The following BCKDHB variants were observed in gnomAD, a reference collection of about 807,000 sequenced individuals.
BCKDHB encodes the protein branched chain keto acid dehydrogenase E1 subunit beta.
Under a neutral mutation model 48.5 loss-of-function variants are expected in BCKDHB, and 41 were observed. That is an observed-to-expected ratio of 0.85 (90% CI 0.66 to 1.10). BCKDHB has a LOEUF of 1.10. BCKDHB is among the 50% of genes least tolerant of loss of function. The pLI is 0.00. For synonymous variants in BCKDHB, 201 were observed against 174.8 expected (o/e 1.15, Z -1.18); for missense variants, 496 against 494.2 (o/e 1.00, Z -0.03).
chr6:80,299,594 T>A (rs919013880), intron 9 of BCKDHB, among the ~76,000 whole-genome samples: 2 of 152,134 alleles, frequency 1.3e-5, no homozygotes, highest in African/African-American at 4.8e-5. Flanking sequence ...AACCAAGAAT[T>A]TCATATCCTG....
intron 8 of BCKDHB, among the ~76,000 whole-genome samples, chr6:80,256,419 AGTATTTGTGT>A (rs1777053705): frequency 1.3e-5 from 2 of 152,212 alleles, no homozygotes; most frequent in Non-Finnish European, 1.5e-5. Context: ...CACAATGGTA[AGTATTTGTGT>A]ATCAAAACAT....
chr6:80,165,486 G>C (rs1772526117), intron 3 of BCKDHB, among the ~76,000 whole-genome samples: 1 of 152,158 alleles, frequency 6.6e-6, no homozygotes, highest in African/African-American at 2.4e-5. Flanking sequence ...TAAGCTAAAA[G>C]TGAATTCTAT....
the BCKDHB span, among the ~76,000 whole-genome samples, chr6:80,447,451 A>T: frequency 4.8e-5 from 1 of 21,006 alleles, no homozygotes; most frequent in African/African-American, 2.7e-4. Flanking sequence ...ATATACAGTT[A>T]TATATATATA....
In BCKDHB at chr6:80,137,232, G is replaced by A. The variant is rs150660196; in HGVS notation, c.343+8003G>A. 1.7e-3 allele frequency among the ~76,000 whole-genome samples: 265 copies of A among 152,078 alleles called. 1 individual carries two copies. Among genetic ancestry groups the A allele is most frequent in the African/African-American group, 6.1e-3 (251 of 41,480 alleles). ...GACCTTTTGTGATTTTTCCAAATAA[G>A]GATTTTAGACACTACTAAAATTAGA... On this transcript the variant is annotated intron_variant, in intron 3 of 9. Transcript: ENST00000320393.
At chr6:80,147,719 A>G (rs1771557575) in intron 3 of BCKDHB, among the ~76,000 whole-genome samples, 1 of 152,044 alleles carries the variant, frequency 6.6e-6, no homozygotes, top group Non-Finnish European at 1.5e-5. Flanking sequence ...AAGATTTCTG[A>G]TTTAGTAGGT....
chr6:80,420,566 G>C, the BCKDHB span, among the ~76,000 whole-genome samples: 1 of 152,168 alleles, frequency 6.6e-6, no homozygotes, highest in Non-Finnish European at 1.5e-5. Context: ...TGAGATCCAA[G>C]GGCTCTTTGC....
intron 8 of BCKDHB, among the ~76,000 whole-genome samples, chr6:80,223,547 A>C (rs185925152): frequency 1.3e-5 from 2 of 152,252 alleles, no homozygotes; most frequent in East Asian, 3.9e-4. Flanking sequence ...TAATCATGGA[A>C]CTACTTATGA....
chr6:80,256,850 A>G (rs1330423743), intron 8 of BCKDHB, among the ~76,000 whole-genome samples: 1 of 152,214 alleles, frequency 6.6e-6, no homozygotes, highest in African/African-American at 2.4e-5. Context: ...CACAGTATGT[A>G]TTTTAAAAAA....
At chr6:80,234,021 G>A (rs1425521054) in intron 8 of BCKDHB, among the ~76,000 whole-genome samples, 1 of 152,104 alleles carries the variant, frequency 6.6e-6, no homozygotes, top group East Asian at 1.9e-4. Flanking sequence ...ATTCTCATAA[G>A]GAGCGTGCAC....
intron 9 of BCKDHB, among the ~76,000 whole-genome samples, chr6:80,283,216 T>C (rs1003536496): frequency 6.6e-6 from 1 of 152,126 alleles, no homozygotes; most frequent in African/African-American, 2.4e-5. Flanking sequence ...GTAATGATAC[T>C]GAAACTGACA....
the BCKDHB span, among the ~76,000 whole-genome samples, chr6:80,367,980 C>T: frequency 4.6e-5 from 7 of 152,178 alleles, no homozygotes; most frequent in Non-Finnish European, 7.3e-5. Flanking sequence ...ACTTGGAGCC[C>T]TTCTGAGAGT....
the BCKDHB span, among the ~76,000 whole-genome samples, chr6:80,362,696 G>GA: frequency 6.6e-6 from 1 of 152,110 alleles, no homozygotes; most frequent in East Asian, 1.9e-4. Flanking sequence ...CAAAAGAGCA[G>GA]AAAAAAATTC....
At chr6:80,328,508 A>T (rs1317047517) in intron 9 of BCKDHB, among the ~76,000 whole-genome samples, 1 of 152,200 alleles carries the variant, frequency 6.6e-6, no homozygotes, top group African/African-American at 2.4e-5. Context: ...TCACAACATA[A>T]AAAGTTAGCT....
the BCKDHB span, among the ~76,000 whole-genome samples, chr6:80,398,482 T>C: frequency 1.3e-5 from 2 of 152,048 alleles, no homozygotes; most frequent in African/African-American, 2.4e-5. Context: ...CAAGAAGATA[T>C]GGATAAATTG....
At chr6:80,334,112 A>G (rs1367511147) in intron 9 of BCKDHB, among the ~76,000 whole-genome samples, 1 of 152,150 alleles carries the variant, frequency 6.6e-6, no homozygotes, top group East Asian at 1.9e-4. Context: ...TGTGCATGCA[A>G]ATTAAGACAT....
At chr6:80,394,921 T>C in the BCKDHB span, among the ~76,000 whole-genome samples, 358 of 152,268 alleles carry the variant, frequency 2.4e-3, 2 homozygotes, top group Non-Finnish European at 2.7e-3. Flanking sequence ...GGTGATCTGA[T>C]GGTTTTATAA....
At chr6:80,144,570 C>T (rs1443125580) in intron 3 of BCKDHB, among the ~76,000 whole-genome samples, 1 of 152,096 alleles carries the variant, frequency 6.6e-6, no homozygotes, top group East Asian at 1.9e-4. Flanking sequence ...ACCTACCCAG[C>T]CTCTTCTGAT....
intron 3 of BCKDHB, among the ~76,000 whole-genome samples, chr6:80,149,745 A>G (rs1385118480): frequency 6.7e-6 from 1 of 149,394 alleles, no homozygotes; most frequent in Non-Finnish European, 1.5e-5. Context: ...ACCAAACACC[A>G]CATATTCTCA....
At chr6:80,245,162 G>C (rs978408421) in intron 8 of BCKDHB, among the ~76,000 whole-genome samples, 2 of 152,038 alleles carry the variant, frequency 1.3e-5, no homozygotes, top group South Asian at 2.1e-4. Context: ...TGCACACACA[G>C]AAAGTCAACT....
Sources: allele counts gnomAD v4.1 joint callset (sites outside exome capture counted in the v4.1 genomes callset), GRCh38; gene constraint gnomAD v4.1.1; transcripts MANE v1.5; gene names NCBI Gene and HGNC (gene_info 2026-07-23, HGNC 2026-07-21).